The following CDKL3 variants were observed in gnomAD, a reference collection of about 807,000 sequenced individuals.
The protein encoded by CDKL3 is cyclin dependent kinase like 3.
Under a neutral mutation model 69.3 loss-of-function variants are expected in CDKL3, and 65 were observed. That is an observed-to-expected ratio of 0.94 (90% CI 0.77 to 1.15). CDKL3 has a LOEUF of 1.15. Ranked by LOEUF, CDKL3 falls within the 50% of genes most tolerant of loss-of-function variation. The pLI is 0.00. For missense variants in CDKL3, 652 were observed against 689.2 expected, an observed-to-expected ratio of 0.95 and a Z score of 0.61; for synonymous variants, 202 against 221.6, an observed-to-expected ratio of 0.91 and a Z score of 0.79.
intron 4 of CDKL3, among the ~76,000 whole-genome samples, chr5:134,322,841 T>G (rs1428537400): frequency 6.6e-6 from 1 of 151,958 alleles, no homozygotes; most frequent in Non-Finnish European, 1.5e-5. Context: ...TAGCCGGGTG[T>G]GGTGGCACAT....
chr5:134,289,795 C>T (rs116181617), intron 8 of CDKL3, among the ~76,000 whole-genome samples: 301 of 152,236 alleles, frequency 2.0e-3, no homozygotes, highest in African/African-American at 6.8e-3. Flanking sequence ...GCAAGAGGGG[C>T]ATACAGACCA....
chr5:134,290,023 G>C (rs1486808770), intron 8 of CDKL3, among the ~76,000 whole-genome samples: 1 of 152,026 alleles, frequency 6.6e-6, no homozygotes, highest in Non-Finnish European at 1.5e-5. Context: ...GTTATGCATT[G>C]TTCTAAGCAT....
chr5:134,314,721 C>A (rs77631730), intron 6 of CDKL3, among the ~76,000 whole-genome samples: 25,279 of 152,108 alleles, frequency 0.17, 2,857 homozygotes, highest in African/African-American at 0.32. Flanking sequence ...CTACTGTATG[C>A]TTCTATTTAT....
intron 12 of CDKL3, 53 bp downstream of exon 12, chr5:134,302,537 T>C: frequency 1.1e-6 from 1 of 892,062 alleles, no homozygotes; most frequent in Non-Finnish European, 1.8e-6. Flanking sequence ...ATACACTGAG[T>C]CAAGTCCTCT....
chr5:134,350,366 A>G lies in CDKL3; in HGVS notation c.422T>C (p.Leu141Pro). The G allele has an allele frequency of 6.3e-7, 1 of 1,583,916 alleles. No homozygotes were observed. Among genetic ancestry groups the G allele is most frequent in the Non-Finnish European group, 8.6e-7 (1 of 1,164,256 alleles). ...ILVSQSGITK[L>P]CDFGFARTLA... is the part of the protein sequence containing the mutation. ...TGTTCGTGCAAAACCAAAATCACAG[A>G]GCTTAGTAATTCCTGACTGGGATAC... The change falls in exon 4 of 13, where the codon CTC becomes CCC. Residue 141 changes from leucine (L) to proline (P), a missense_variant. Leu to Pro is a moderately conservative substitution (Grantham distance 98). Transcript: ENST00000265334.
At chr5:134,371,476 G>T (rs1430076276), upstream of CDKL3, 25 of 898,766 alleles carry the variant, frequency 2.8e-5, no homozygotes, top group South Asian at 1.3e-4. Context: ...GTCAGTCTCG[G>T]CGGCGGCGGC....
At position 134,302,035 on chromosome 5, in the gene CDKL3, G is replaced by A. The variant is rs145438529; in HGVS notation, c.1719+555C>T. ...CACAATCTCTCTCTCTTAAAAGACT[G>A]TCTTTATAGAGCATTCATTTGGATA... is the stretch of plus-strand genomic sequence containing the variant. On this transcript the variant is annotated intron_variant, in intron 12 of 12. Coordinates refer to ENST00000265334, the MANE Select transcript of CDKL3 (RefSeq NM_001113575.2). 858 of 422,064 alleles carry A rather than the reference G, an allele frequency of 2.0e-3. 1 individual carries two copies. Among genetic ancestry groups the A allele is most frequent in the Non-Finnish European group, 3.4e-3 (710 of 211,190 alleles). 26.1% of individuals were successfully genotyped at this position (422,064 alleles called of 1,614,324 possible).
downstream of CDKL3, among the ~76,000 whole-genome samples, chr5:134,294,431 T>C (rs1214529905): frequency 6.6e-6 from 1 of 152,166 alleles, no homozygotes; most frequent in Non-Finnish European, 1.5e-5. Context: ...GCTTTCCCTC[T>C]GCTACAGGAA....
intron 4 of CDKL3, among the ~76,000 whole-genome samples, chr5:134,330,399 G>C (rs1330393662): frequency 6.6e-6 from 1 of 152,180 alleles, no homozygotes; most frequent in Non-Finnish European, 1.5e-5. Context: ...AGCTTTCCCA[G>C]ACGTTTATTT....
intron 6 of CDKL3, chr5:134,319,073 C>T (rs966960553): frequency 4.7e-6 from 1 of 211,356 alleles, no homozygotes; most frequent in African/African-American, 2.3e-5. Flanking sequence ...GTAATCCCAG[C>T]ACTTTGGGAG....
downstream of CDKL3, chr5:134,298,357 A>T: frequency 8.8e-7 from 1 of 1,132,938 alleles, no homozygotes; most frequent in Non-Finnish European, 1.1e-6. Flanking sequence ...ATCATTAAGT[A>T]TAAGTACAGT....
intron 10 of CDKL3, 31 bp downstream of exon 10, chr5:134,306,578 C>T (rs1767894772): frequency 8.3e-7 from 1 of 1,203,512 alleles, no homozygotes; most frequent in African/African-American, 1.5e-5. Flanking sequence ...TTAAAAGAGG[C>T]CATATTTTAA....
At chr5:134,341,335 C>T (rs1175604545) in intron 4 of CDKL3, among the ~76,000 whole-genome samples, 1 of 152,074 alleles carries the variant, frequency 6.6e-6, no homozygotes, top group Non-Finnish European at 1.5e-5. Context: ...CTACTCAGCA[C>T]AATTAGACAG....
At chr5:134,294,909 G>A (rs1485692590), downstream of CDKL3, among the ~76,000 whole-genome samples, 2 of 151,122 alleles carry the variant, frequency 1.3e-5, no homozygotes, top group Non-Finnish European at 2.9e-5. Context: ...TGATGTATCA[G>A]ATTGCTACAG....
Position 134,352,206 on chromosome 5 carries a change from A to C in CDKL3, c.361-1779T>G, listed in dbSNP as rs192685574. 2.5e-3 allele frequency among the ~76,000 whole-genome samples: 375 copies of C among 152,154 alleles called. 3 individuals carry two copies. The highest frequency in any genetic ancestry group is 4.1e-3 in the Non-Finnish European group (280 of 68,010). The stretch of plus-strand genomic sequence containing the variant: ...TCCAGGTTTATCCACATCATCACAA[A>C]TGATTTCCTTCTATTTTTATGGCTG... On this transcript the variant is annotated intron_variant, in intron 3 of 12. Transcript: ENST00000265334.
downstream of CDKL3, among the ~76,000 whole-genome samples, chr5:134,284,741 A>C (rs930936810): frequency 6.6e-6 from 1 of 152,172 alleles, no homozygotes; most frequent in Non-Finnish European, 1.5e-5. Context: ...CTTGCTGGGA[A>C]AAGAATTAAG....
intron 3 of CDKL3, among the ~76,000 whole-genome samples, chr5:134,355,278 A>G (rs576543155): frequency 2.6e-4 from 40 of 151,728 alleles, no homozygotes; most frequent in Non-Finnish European, 4.7e-4. Context: ...CTTTACCATC[A>G]CAGAACTCAC....
downstream of CDKL3, among the ~76,000 whole-genome samples, chr5:134,284,708 G>T (rs1484531630): frequency 6.6e-6 from 1 of 152,144 alleles, no homozygotes; most frequent in South Asian, 2.1e-4. Context: ...CCCTGGGAAG[G>T]CATTCCTTTC....
chr5:134,299,642 T>C, intron 12 of CDKL3: 1 of 1,496,372 alleles, frequency 6.7e-7, no homozygotes, highest in Non-Finnish European at 8.9e-7. Context: ...AAAAGGATTT[T>C]TAAAAAACCA....
Sources: gnomAD v4.1 joint callset for allele counts (sites outside exome capture counted in the v4.1 genomes callset) on GRCh38, gnomAD v4.1.1 for gene constraint, MANE v1.5 for transcripts, NCBI Gene and HGNC (gene_info 2026-07-23, HGNC 2026-07-21) for gene names.